CNBD2: variants seen among roughly 807,000 people sequenced by gnomAD.
CNBD2 encodes the protein cyclic nucleotide-binding domain-containing protein 2.
CNBD2 carries 64 observed loss-of-function variants against 63.7 expected under a neutral mutation model. The observed-to-expected ratio is 1.00, with a 90% CI of 0.82 to 1.24. CNBD2 has a LOEUF of 1.24. Ranked by LOEUF, CNBD2 falls within the 50% of genes most tolerant of loss-of-function variation. The pLI is 0.00. For missense variants in CNBD2, 691 were observed against 713.5 expected, an observed-to-expected ratio of 0.97 and a Z score of 0.36; for synonymous variants, 229 against 255.4, an observed-to-expected ratio of 0.90 and a Z score of 0.99.
At chr20:36,020,158 C>T (rs763395760) in intron 10 of CNBD2, among the ~76,000 whole-genome samples, 1 of 152,130 alleles carries the variant, frequency 6.6e-6, no homozygotes, top group Non-Finnish European at 1.5e-5. Context: ...TCTTTGCACA[C>T]TGCAAGCTCC....
intron 3 of CNBD2, 27 bp downstream of exon 3, chr20:35,976,029 G>A (rs1282947494): frequency 6.3e-7 from 1 of 1,592,048 alleles, no homozygotes; most frequent in Non-Finnish European, 8.6e-7. Context: ...ACTTGCTGTG[G>A]GGGAATTTTC....
chr20:36,001,406 G>A (rs1291175828), intron 8 of CNBD2, among the ~76,000 whole-genome samples: 9 of 150,682 alleles, frequency 6.0e-5, no homozygotes, highest in African/African-American at 2.0e-4. Flanking sequence ...GCGGCTGGCC[G>A]GGCAGAGGGG....
chr20:35,979,028 T>A (rs563402099), intron 3 of CNBD2, among the ~76,000 whole-genome samples: 1 of 152,336 alleles, frequency 6.6e-6, no homozygotes, highest in African/African-American at 2.4e-5. Flanking sequence ...TGTTAATGGC[T>A]AATTTTGGGT....
At chr20:35,970,114 AC>A (rs1253727699) in intron 1 of CNBD2, among the ~76,000 whole-genome samples, 1 of 152,148 alleles carries the variant, frequency 6.6e-6, no homozygotes, top group Non-Finnish European at 1.5e-5. Context: ...ACAAAGTGAA[AC>A]CCCCTCTTTA....
chr20:35,977,438 G>A (rs2056536696), intron 3 of CNBD2, among the ~76,000 whole-genome samples: 1 of 152,190 alleles, frequency 6.6e-6, no homozygotes, highest in Non-Finnish European at 1.5e-5. Context: ...GGGAGGCCGA[G>A]GCAGGAAGAT....
downstream of CNBD2, among the ~76,000 whole-genome samples, chr20:35,955,768 G>A (rs2056250150): frequency 6.6e-6 from 1 of 151,772 alleles, no homozygotes; most frequent in African/African-American, 2.4e-5. Flanking sequence ...AAATAGTTTT[G>A]TTTTTGTTTT....
chr20:35,965,052 C>G (rs2056335076), upstream of CNBD2, among the ~76,000 whole-genome samples: 1 of 152,160 alleles, frequency 6.6e-6, no homozygotes, highest in Non-Finnish European at 1.5e-5. Flanking sequence ...GAGGATTTTA[C>G]TTCCCCACCA....
At chr20:35,954,527 G>A (rs1049569361), upstream of CNBD2, 2 of 1,522,330 alleles carry the variant, frequency 1.3e-6, no homozygotes, top group East Asian at 2.6e-5. Context: ...GCGAGCACCC[G>A]GAAGCCGCTT....
intron 10 of CNBD2, among the ~76,000 whole-genome samples, chr20:36,022,199 T>TC (rs1601104486): frequency 9.4e-6 from 1 of 106,824 alleles, no homozygotes; most frequent in Admixed American, 8.3e-5. Flanking sequence ...TTTTTTCTTT[T>TC]TTTTTTTTTT....
chr20:35,965,174 CCTCT>C (rs1319979318), upstream of CNBD2, among the ~76,000 whole-genome samples: 3 of 151,268 alleles, frequency 2.0e-5, no homozygotes, highest in Non-Finnish European at 4.4e-5. Context: ...CTTCTCTCTC[CCTCT>C]CTCTCTTTTT....
chr20:36,008,255 G>A, intron 8 of CNBD2, 42 bp from the exon 9 acceptor site: 1 of 1,520,464 alleles, frequency 6.6e-7, no homozygotes, highest in Non-Finnish European at 9.0e-7. Context: ...CATCATATAT[G>A]CAAAGATCCA....
In CNBD2 at chr20:35,962,555, C is replaced by T. The variant is rs144677384; in HGVS notation, c.228+4781C>T. Among the ~76,000 whole-genome samples, 424 of 152,076 alleles carry T rather than the reference C, an allele frequency of 2.8e-3. 1 individual carries two copies. Among genetic ancestry groups the T allele is most frequent in the Non-Finnish European group, 5.1e-3 (344 of 67,962 alleles). ...GATTACAGGCGTGAGCCACCGCGCC[C>T]GGCCCCCTGCAGTCTTACTAAGGTC... On this transcript the variant is annotated intron_variant, in intron 2 of 4. Transcript: ENST00000622112.
At chr20:35,958,065 G>A (rs1243286460), downstream of CNBD2, among the ~76,000 whole-genome samples, 1 of 152,224 alleles carries the variant, frequency 6.6e-6, no homozygotes, top group South Asian at 2.1e-4. Flanking sequence ...GTTGTTGAGG[G>A]TTGTGGAAAA....
chr20:36,010,480 C>T (rs2057043965), intron 9 of CNBD2, among the ~76,000 whole-genome samples: 2 of 151,698 alleles, frequency 1.3e-5, no homozygotes, highest in South Asian at 2.1e-4. Flanking sequence ...AAAGAAATTC[C>T]TTCCTCTTGG....
intron 1 of CNBD2, among the ~76,000 whole-genome samples, chr20:35,971,813 C>G (rs2056422774): frequency 6.6e-6 from 1 of 152,136 alleles, no homozygotes; most frequent in South Asian, 2.1e-4. Flanking sequence ...AGAGCAGCCC[C>G]CATGCCTTGT....
intron 6 of CNBD2, among the ~76,000 whole-genome samples, chr20:35,986,638 C>A (rs2056671534): frequency 6.6e-6 from 1 of 152,180 alleles, no homozygotes; most frequent in Non-Finnish European, 1.5e-5. Flanking sequence ...GGTGCCCTGA[C>A]CTTAACTCAG....
chr20:35,996,475 A>G (rs945013354), intron 8 of CNBD2, among the ~76,000 whole-genome samples: 4 of 150,854 alleles, frequency 2.7e-5, no homozygotes, highest in South Asian at 2.1e-4. Context: ...CTGTTTATAC[A>G]TATTGCATAA....
At chr20:35,965,425 G>T (rs151204126), upstream of CNBD2, among the ~76,000 whole-genome samples, 184 of 152,140 alleles carry the variant, frequency 1.2e-3, 1 homozygote, top group African/African-American at 4.2e-3. Context: ...TGATCCACCC[G>T]CATCAGCCTC....
At position 35,975,929 on chromosome 20, in the gene CNBD2, C is replaced by G. The variant is rs757842426; in HGVS notation, c.190-20C>G. On this transcript the variant is annotated intron_variant, in intron 2 of 11. Coordinates refer to ENST00000373973, the MANE Select transcript of CNBD2 (RefSeq NM_001365709.1). ...CAGTCTTGCTGATTCTCCCTCTTCT[C>G]CCTGCCCTCTTTCTTTCAGAAAAAG... 6.2e-7 allele frequency: 1 copy of G among 1,610,598 alleles called. No homozygotes were observed. The highest frequency in any genetic ancestry group is 2.2e-5 in the East Asian group (1 of 44,832).
Sources: gnomAD v4.1 joint callset for allele counts (sites outside exome capture counted in the v4.1 genomes callset) on GRCh38, gnomAD v4.1.1 for gene constraint, MANE v1.5 for transcripts, NCBI Gene and HGNC (gene_info 2026-07-23, HGNC 2026-07-21) for gene names.